SESN1: variants seen among roughly 807,000 people sequenced by gnomAD.
SESN1 encodes the protein sestrin 1.
A neutral mutation model predicts 59.3 loss-of-function variants in SESN1; 30 were observed. The ratio of observed to expected loss-of-function variants is 0.51; its 90% CI spans 0.38 to 0.69. The LOEUF is 0.69. SESN1 is among the 30% of genes least tolerant of loss of function. The probability of loss-of-function intolerance (pLI) is 0.00; values close to 1 mark genes in which losing one functional copy is unlikely to be tolerated. For synonymous variants in SESN1, 197 were observed against 219.9 expected (o/e 0.90, Z 0.92); for missense variants, 566 against 673.0 (o/e 0.84, Z 1.76).
At chr6:109,056,165 G>A (rs1780629901) in intron 1 of SESN1, among the ~76,000 whole-genome samples, 1 of 152,194 alleles carries the variant, frequency 6.6e-6, no homozygotes, top group Admixed American at 6.5e-5. Flanking sequence ...CCTACACTTT[G>A]GGAGGCCAAG....
chr6:109,014,617 G>GT (rs1269855773), intron 1 of SESN1, among the ~76,000 whole-genome samples: 2 of 152,128 alleles, frequency 1.3e-5, no homozygotes, highest in Admixed American at 6.5e-5. Flanking sequence ...CTCAGGGTGA[G>GT]TTTTTTTGTT....
intron 1 of SESN1, among the ~76,000 whole-genome samples, chr6:109,049,373 C>A (rs1780506334): frequency 6.7e-6 from 1 of 150,334 alleles, no homozygotes. Context: ...TTACTAAAAG[C>A]TGGGAAGAGT....
At chr6:109,057,494 CA>C (rs1452886494) in intron 1 of SESN1, among the ~76,000 whole-genome samples, 2 of 152,158 alleles carry the variant, frequency 1.3e-5, no homozygotes, top group African/African-American at 4.8e-5. Context: ...TATTTGCAGC[CA>C]AACACATTCC....
At chr6:108,992,261 G>A (rs149518923) in intron 7 of SESN1, among the ~76,000 whole-genome samples, 1 of 152,148 alleles carries the variant, frequency 6.6e-6, no homozygotes, top group Admixed American at 6.5e-5. Context: ...ACCACACCTG[G>A]CTAATTTTAT....
chr6:109,005,911 A>G (rs1374468131), intron 1 of SESN1, among the ~76,000 whole-genome samples: 2 of 152,224 alleles, frequency 1.3e-5, no homozygotes, highest in Non-Finnish European at 2.9e-5. Context: ...CTAATTTCTC[A>G]GAAGTAGCAG....
chr6:109,022,411 C>CTTTTTTTT (rs779366759), intron 1 of SESN1, among the ~76,000 whole-genome samples: 5 of 65,870 alleles, frequency 7.6e-5, no homozygotes, highest in East Asian at 1.0e-3. Flanking sequence ...TGTTCTAAAG[C>CTTTTTTTT]TTTTTTTTTT....
At position 109,009,521 on chromosome 6, in the gene SESN1, C is replaced by A. The variant is rs1207969241; in HGVS notation, c.280-7178G>T. 3.4e-6 allele frequency: 4 copies of A among 1,188,352 alleles called. No homozygotes were observed. The East Asian group carries it at 1.5e-4, about 44-fold the overall frequency. The allele number at this position is 1,188,352 out of a possible 1,614,324, so 73.6% of individuals were successfully genotyped here. The stretch of plus-strand genomic sequence containing the variant: ...GCGAGCGCTGGGCAGCCGGCCGCGG[C>A]TCCTGGCTGCAGCGCCTCAGTCAGC... On this transcript the variant is annotated intron_variant, in intron 1 of 9. Transcript: ENST00000436639.
At chr6:109,077,068 T>A (rs530997025) in intron 1 of SESN1, among the ~76,000 whole-genome samples, 2 of 152,312 alleles carry the variant, frequency 1.3e-5, no homozygotes, top group Middle Eastern at 3.4e-3. Flanking sequence ...ACGATAAGTA[T>A]TTTTGTATCT....
chr6:109,052,518 T>G (rs977560479), intron 1 of SESN1, among the ~76,000 whole-genome samples: 1 of 152,202 alleles, frequency 6.6e-6, no homozygotes, highest in African/African-American at 2.4e-5. Flanking sequence ...CTTAAAATAG[T>G]TTATCTAGAC....
chr6:109,015,623 A>G (rs916583692), intron 1 of SESN1, among the ~76,000 whole-genome samples: 3 of 152,210 alleles, frequency 2.0e-5, no homozygotes, highest in Admixed American at 1.3e-4. Flanking sequence ...GAGTTAAATA[A>G]GAAGGAATGG....
chr6:109,009,548 C>A (rs1651453886), intron 1 of SESN1: 1 of 1,003,254 alleles, frequency 1.0e-6, no homozygotes, highest in Non-Finnish European at 1.1e-6. Context: ...TCAGTCAGCA[C>A]GGACGGCGGG....
intron 1 of SESN1, among the ~76,000 whole-genome samples, chr6:109,033,850 C>T (rs542964305): frequency 6.6e-6 from 1 of 152,112 alleles, no homozygotes; most frequent in Non-Finnish European, 1.5e-5. Context: ...ATAATTGATT[C>T]CAGCCATGTT....
At chr6:109,032,683 T>C (rs1411285004) in intron 1 of SESN1, among the ~76,000 whole-genome samples, 1 of 152,002 alleles carries the variant, frequency 6.6e-6, no homozygotes, top group African/African-American at 2.4e-5. Context: ...TGCTAAAATA[T>C]GGAAGAATAT....
intron 1 of SESN1, among the ~76,000 whole-genome samples, chr6:109,022,170 C>T (rs576964234): frequency 4.6e-5 from 7 of 151,982 alleles, no homozygotes; most frequent in South Asian, 2.1e-4. Context: ...TTACTCCTAA[C>T]GGGGCACCTG....
chr6:109,035,400 T>C (rs755739712), intron 1 of SESN1, among the ~76,000 whole-genome samples: 4 of 152,082 alleles, frequency 2.6e-5, no homozygotes, highest in African/African-American at 4.8e-5. Flanking sequence ...AATTTTCTTA[T>C]AGGATTGAAG....
At position 109,001,470 on chromosome 6, in the gene SESN1, C is replaced by T. The variant is rs1005093051; in HGVS notation, c.364G>A (p.Glu122Lys). The change falls in exon 3 of 10, where the codon GAA becomes AAA. Residue 122 changes from glutamate (E) to lysine (K), a missense_variant. Transcript: ENST00000436639. ...AATAAAGCATGCATCTGTGCGTCTT[C>T]ACTCCCCACTTGGAGGATCTGTATA... ...PEKEILQVGS[E>K]DAQMHALFAD... The T allele has an allele frequency of 1.2e-6, 2 of 1,613,062 alleles. No homozygotes were observed. The highest frequency in any genetic ancestry group is 1.7e-5 in the Admixed American group (1 of 59,898).
In SESN1 at chr6:108,987,521, T is replaced by C; in HGVS notation, c.*23A>G. ...ACTATATCTGCTGATCATTCCAGAA[T>C]CATCTTTAATGAAGGAAAGGCATCA... On this transcript the variant is annotated 3_prime_UTR_variant, in exon 10 of 10. Transcript: ENST00000436639. The C allele has an allele frequency of 1.5e-6, 2 of 1,363,900 alleles. No individual in the cohort carries two copies. Among genetic ancestry groups the C allele is most frequent in the Non-Finnish European group, 2.1e-6 (2 of 954,472 alleles). 84.5% of individuals were successfully genotyped at this position (1,363,900 alleles called of 1,614,324 possible).
chr6:108,991,888 T>TC (rs1317868931), intron 7 of SESN1, among the ~76,000 whole-genome samples: 2 of 152,014 alleles, frequency 1.3e-5, no homozygotes, highest in Admixed American at 1.3e-4. Flanking sequence ...AGCCAACCAA[T>TC]CTCTTTATAA....
At chr6:109,054,521 A>C (rs1780597219) in intron 1 of SESN1, among the ~76,000 whole-genome samples, 2 of 152,162 alleles carry the variant, frequency 1.3e-5, no homozygotes, top group Non-Finnish European at 2.9e-5. Context: ...ACATGTCTAT[A>C]AGCAGTGTAT....
Sources: gnomAD v4.1 joint callset for allele counts (sites outside exome capture counted in the v4.1 genomes callset) on GRCh38, gnomAD v4.1.1 for gene constraint, MANE v1.5 for transcripts, NCBI Gene and HGNC (gene_info 2026-07-23, HGNC 2026-07-21) for gene names.